Variants in UNC13A observed in about 807,000 individuals in gnomAD.
UNC13A encodes the protein unc-13 homolog A, also known as protein unc-13 homolog A.
In UNC13A, 61 loss-of-function variants were observed where a neutral mutation model predicts 219.7. The observed-to-expected ratio is 0.28, with a 90% CI of 0.23 to 0.34. UNC13A has a LOEUF of 0.34. Among genes scored for constraint, UNC13A ranks in the 10% least tolerant of loss-of-function variants. The pLI, the probability that UNC13A is intolerant of heterozygous loss-of-function variation, is 1.00. For missense variants in UNC13A, 1,476 were observed against 2,270.3 expected (o/e 0.65, Z 7.11); for synonymous variants, 920 against 884.6 (o/e 1.04, Z -0.71).
chr19:17,630,399 G>A, intron 29 of UNC13A, 111 bp from the exon 30 acceptor site: 1 of 1,478,202 alleles, frequency 6.8e-7, no homozygotes, highest in Non-Finnish European at 9.1e-7. Flanking sequence ...TCCCCGGGGT[G>A]AGATGGACAG....
intron 41 of UNC13A, among the ~76,000 whole-genome samples, chr19:17,615,274 A>G (rs945803508): frequency 2.6e-5 from 4 of 152,206 alleles, no homozygotes; most frequent in Non-Finnish European, 5.9e-5. Context: ...ATTTGAGGCC[A>G]GGAGTTCGAG....
chr19:17,627,822 T>C lies in UNC13A; in HGVS notation c.3831+41A>G, dbSNP rs753689845. The C allele has an allele frequency of 6.4e-7, 1 of 1,554,284 alleles. No homozygotes were observed. The highest frequency in any genetic ancestry group is 8.7e-7 in the Non-Finnish European group (1 of 1,144,440). On this transcript the variant is annotated intron_variant, in intron 32 of 43. Transcript: ENST00000519716. This position sits in a 1 kb window ranked among gnomAD's most constrained non-coding sequence, Gnocchi z 4.7. ...GCCTGCAGGGACACAGTGGTGGGGG[T>C]GCCCCATCCCTTCTCCAGCCCTGCC...
Position 17,604,834 on chromosome 19 carries a change from GCTCT to G in UNC13A, c.*1216_*1219del, listed in dbSNP as rs1169865567. 6.6e-6 allele frequency: 1 copy of G among 152,188 alleles called. No individual in the cohort carries two copies. The highest frequency in any genetic ancestry group is 2.1e-4 in the South Asian group (1 of 4,834). The allele number at this position is 152,188 out of a possible 1,614,324, so 9.4% of individuals were successfully genotyped here. ...CAATGAATAGGCTCTTGGAGACTAA[GCTCT>G]CACTGTGTCACTGTGTTTGTGTTTC... On this transcript the variant is annotated 3_prime_UTR_variant, in exon 44 of 44. Coordinates refer to ENST00000519716, the MANE Select transcript of UNC13A (RefSeq NM_001080421.3).
chr19:17,685,462 G>C lies in UNC13A; in HGVS notation c.22+2716C>G, dbSNP rs118103073. Among the ~76,000 whole-genome samples the C allele has an allele frequency of 6.6e-5, 10 of 152,266 alleles. No homozygotes were observed. In the East Asian group the frequency reaches 1.9e-3, roughly 29 times the overall value. ...CCCACCTTGGCCTCCCAAAGTCAAA[G>C]TGATGAGATTACAGGCCTGAGCCAC... is the stretch of plus-strand genomic sequence containing the variant. On this transcript the variant is annotated intron_variant, in intron 1 of 43. Transcript: ENST00000519716.
rs2079446572 is a variant in UNC13A at position 17,656,083 on chromosome 19, A to G, written c.1083T>C (p.Arg361=). ...TGGGCTCAGCCACAGCTACGTCTTC[A>G]CGCTGGGCATAGCTGCCCAAATCGT... ...VPDDLGSYAQ[R]EDVAVAEPKD... is the part of the protein sequence containing the mutation. The change falls in exon 10 of 44, where the codon CGT becomes CGC. Residue 361 remains arginine (R), a synonymous_variant. Transcript: ENST00000519716. 6.4e-7 allele frequency: 1 copy of G among 1,553,452 alleles called. No individual in the cohort carries two copies. The highest frequency in any genetic ancestry group is 8.7e-7 in the Non-Finnish European group (1 of 1,147,852).
rs1304930886 is a variant in UNC13A at position 17,601,460 on chromosome 19, A to C, written c.*4594T>G. 1.3e-5 allele frequency: 2 copies of C among 152,594 alleles called. No individual in the cohort carries two copies. Among genetic ancestry groups the C allele is most frequent in the African/African-American group, 4.8e-5 (2 of 41,436 alleles). The allele number at this position is 152,594 out of a possible 1,614,324, so 9.5% of individuals were successfully genotyped here. A position where few individuals can be genotyped will look rare whatever the true frequency, so the allele number is the denominator to read the frequency against. ...CATGACCACTTCTCGTTTGTGTTAA[A>C]CATTTGTTCCAAGTCACATATTTAC... On this transcript the variant is annotated 3_prime_UTR_variant, in exon 44 of 44. Transcript: ENST00000519716.
chr19:17,630,376 C>T (rs964707377), intron 29 of UNC13A, 88 bp from the exon 30 acceptor site: 25 of 1,508,468 alleles, frequency 1.7e-5, no homozygotes, highest in Non-Finnish European at 2.1e-5. Context: ...ACGGGGAGAG[C>T]CAGAGACCAA....
chr19:17,639,789 G>T, intron 23 of UNC13A, 51 bp downstream of exon 23: 1 of 1,586,828 alleles, frequency 6.3e-7, no homozygotes, highest in Non-Finnish European at 8.7e-7. Flanking sequence ...TTCCCCTCCA[G>T]GCACACACAT....
chr19:17,630,806 C>T (rs955212963), intron 28 of UNC13A, 56 bp from the exon 29 acceptor site: 74 of 1,530,844 alleles, frequency 4.8e-5, no homozygotes, highest in East Asian at 6.8e-5. Flanking sequence ...TCAACCTCTG[C>T]GCCGCCTGGT....
intron 6 of UNC13A, 45 bp downstream of exon 6, chr19:17,668,072 G>C (rs750348292): frequency 6.3e-7 from 1 of 1,587,514 alleles, no homozygotes; most frequent in Non-Finnish European, 8.6e-7. Flanking sequence ...GGGAGACAGA[G>C]ACAGAAACAA....
intron 4 of UNC13A, among the ~76,000 whole-genome samples, chr19:17,671,128 G>A (rs1345234569): frequency 6.6e-6 from 1 of 152,098 alleles, no homozygotes; most frequent in South Asian, 2.1e-4. Context: ...AGCCCCATGA[G>A]GTCATAGCCC....
At chr19:17,622,896 C>T (rs2076743549) in intron 36 of UNC13A, 3 of 152,288 alleles carry the variant, frequency 2.0e-5, no homozygotes, top group Admixed American at 2.0e-4. Flanking sequence ...TTCCCAAGGT[C>T]ACAGAGAGAG....
At chr19:17,645,588 A>G (rs1056082411) in intron 19 of UNC13A, 86 bp downstream of exon 19, 34 of 1,564,920 alleles carry the variant, frequency 2.2e-5, no homozygotes, top group Middle Eastern at 3.4e-4. Flanking sequence ...TCCTGAGAAC[A>G]CATCTCTCTG....
At chr19:17,663,432 T>C in intron 8 of UNC13A, 100 bp downstream of exon 8, 1 of 1,382,246 alleles carries the variant, frequency 7.2e-7, no homozygotes, top group Non-Finnish European at 1.0e-6. Context: ...CGTCACAGGC[T>C]CCTTGCTTCC....
chr19:17,634,718 G>A (rs1399813244), intron 26 of UNC13A, among the ~76,000 whole-genome samples: 8 of 151,868 alleles, frequency 5.3e-5, no homozygotes, highest in Non-Finnish European at 1.0e-4. Flanking sequence ...ATTTAGAGAC[G>A]GAGTCTCGCT....
At chr19:17,673,315 C>T (rs1376815382) in intron 3 of UNC13A, among the ~76,000 whole-genome samples, 2 of 147,904 alleles carry the variant, frequency 1.4e-5, no homozygotes, top group Non-Finnish European at 3.0e-5. Context: ...CGAGATCACG[C>T]CATTGCACTC....
chr19:17,686,684 G>T (rs945315661), intron 1 of UNC13A, among the ~76,000 whole-genome samples: 1 of 152,034 alleles, frequency 6.6e-6, no homozygotes, highest in African/African-American at 2.4e-5. Context: ...GCAGAAACGA[G>T]CTTAGAGAAA....
At chr19:17,670,016 G>T (rs1222365384) in intron 4 of UNC13A, among the ~76,000 whole-genome samples, 2 of 138,356 alleles carry the variant, frequency 1.4e-5, no homozygotes, top group Admixed American at 7.6e-5. Context: ...GCGCGATCTC[G>T]GCTCACTGCA....
At chr19:17,613,000 G>A (rs529669627) in intron 41 of UNC13A, among the ~76,000 whole-genome samples, 2 of 152,300 alleles carry the variant, frequency 1.3e-5, no homozygotes, top group East Asian at 1.9e-4. Context: ...GGGAGGCTGA[G>A]GTGGGCAGAT....
Sources: allele counts gnomAD v4.1 joint callset (sites outside exome capture counted in the v4.1 genomes callset), GRCh38; gene constraint gnomAD v4.1.1; non-coding constraint Gnocchi (gnomAD v3.1); transcripts MANE v1.5; gene names NCBI Gene and HGNC (gene_info 2026-07-23, HGNC 2026-07-21).